Variants in ZNF480 observed in about 807,000 individuals in gnomAD.
The protein encoded by ZNF480 is zinc finger protein 480.
Under a neutral mutation model 14.4 loss-of-function variants are expected in ZNF480, and 15 were observed. The ratio of observed to expected loss-of-function variants is 1.04; its 90% CI spans 0.70 to 1.60. The LOEUF is 1.60. Ranked by LOEUF, ZNF480 falls within the 40% of genes most tolerant of loss-of-function variation. The probability of loss-of-function intolerance (pLI) is 0.00; values close to 1 mark genes in which losing one functional copy is unlikely to be tolerated. For missense variants in ZNF480, 593 were observed against 629.7 expected, an observed-to-expected ratio of 0.94 and a Z score of 0.62; for synonymous variants, 218 against 215.5, an observed-to-expected ratio of 1.01 and a Z score of -0.10.
At chr19:52,313,918 G>A in intron 2 of ZNF480, 1 of 383,670 alleles carries the variant, frequency 2.6e-6, no homozygotes, top group Non-Finnish European at 5.2e-6. Flanking sequence ...GGCGGAGGTT[G>A]CAGTGAGCCG....
chr19:52,306,239 A>G (rs1042702638), intron 2 of ZNF480, among the ~76,000 whole-genome samples: 2 of 152,226 alleles, frequency 1.3e-5, no homozygotes, highest in Non-Finnish European at 2.9e-5. Context: ...TGAATCTGCA[A>G]TCACCTTTTT....
chr19:52,303,084 G>A (rs1982773281), intron 2 of ZNF480, among the ~76,000 whole-genome samples: 1 of 152,186 alleles, frequency 6.6e-6, no homozygotes. Flanking sequence ...TACATATGAA[G>A]AATTAGAAAT....
intron 2 of ZNF480, among the ~76,000 whole-genome samples, chr19:52,304,406 A>G (rs979151478): frequency 2.0e-5 from 3 of 152,192 alleles, no homozygotes; most frequent in African/African-American, 7.2e-5. Flanking sequence ...CTTAATAACA[A>G]AGACTGGAGA....
intron 1 of ZNF480, among the ~76,000 whole-genome samples, chr19:52,298,947 A>C (rs1305912143): frequency 6.6e-6 from 1 of 152,208 alleles, no homozygotes; most frequent in African/African-American, 2.4e-5. Context: ...AGTTGATTGG[A>C]TATTATGATT....
chr19:52,319,811 G>GTTGTTTTTTTT (rs1983722269), intron 4 of ZNF480, among the ~76,000 whole-genome samples: 1 of 96,900 alleles, frequency 1.0e-5, no homozygotes, highest in Non-Finnish European at 2.2e-5. Flanking sequence ...CTGATACTGT[G>GTTGTTTTTTTT]TTTTTTTTTT....
chr19:52,297,279 T>A, intron 1 of ZNF480, 56 bp downstream of exon 1: 1 of 448,816 alleles, frequency 2.2e-6, no homozygotes, highest in Non-Finnish European at 4.5e-6. Flanking sequence ...CGCGCTTCTG[T>A]ACCCGGGATC....
intron 1 of ZNF480, among the ~76,000 whole-genome samples, chr19:52,298,838 A>T (rs1301939156): frequency 6.6e-6 from 1 of 151,924 alleles, no homozygotes; most frequent in African/African-American, 2.4e-5. Context: ...AGGGGGAAAA[A>T]AGCTAGAGAA....
intron 2 of ZNF480, among the ~76,000 whole-genome samples, 153 bp from the exon 3 acceptor site, chr19:52,314,000 T>C (rs184010634): frequency 6.6e-6 from 1 of 151,838 alleles, no homozygotes; most frequent in East Asian, 1.9e-4. Context: ...AAAAAACACA[T>C]TTACAGACAC....
chr19:52,322,406 C>G lies in ZNF480; in HGVS notation c.1156C>G (p.Leu386Val), dbSNP rs775434873. 2.5e-6 allele frequency: 4 copies of G among 1,613,952 alleles called. No homozygotes were observed. The highest frequency in any genetic ancestry group is 3.4e-6 in the Non-Finnish European group (4 of 1,179,982). Residue 386 changes from leucine to valine, a missense_variant, in exon 5 of 5, where the codon CTA (leucine) becomes GTA (valine). By Grantham distance (32) the Leu-to-Val change is conservative. Coordinates refer to ENST00000595962, the MANE Select transcript of ZNF480 (RefSeq NM_144684.4). Reference sequence around the variant, plus strand: ...AAAGGTCTTTATTCAAAATTCGCACCTAGCACAACATTGGAGAATTCATAC... The same window carrying G: ...AAAGGTCTTTATTCAAAATTCGCACGTAGCACAACATTGGAGAATTCATAC... Reference protein sequence around the residue: ...CGKVFIQNSHLAQHWRIHTGE... With the variant: ...CGKVFIQNSHVAQHWRIHTGE...
intron 2 of ZNF480, among the ~76,000 whole-genome samples, chr19:52,310,605 G>C (rs1983225144): frequency 6.6e-6 from 1 of 151,830 alleles, no homozygotes; most frequent in African/African-American, 2.4e-5. Flanking sequence ...GTTTACTGCT[G>C]ATTATCATGT....
intron 4 of ZNF480, 75 bp from the exon 5 acceptor site, chr19:52,321,503 AT>A: frequency 7.9e-7 from 1 of 1,258,660 alleles, no homozygotes; most frequent in Non-Finnish European, 1.1e-6. Context: ...GATGAGGCAG[AT>A]TCTAGTATTT....
chr19:52,302,201 ATC>A (rs1982726625), intron 2 of ZNF480: 1 of 174,284 alleles, frequency 5.7e-6, no homozygotes, highest in Non-Finnish European at 1.2e-5. Flanking sequence ...TTGTTATGGG[ATC>A]TCTCCACCAA....
intron 2 of ZNF480, among the ~76,000 whole-genome samples, chr19:52,310,732 G>A (rs977811232): frequency 5.3e-5 from 8 of 151,876 alleles, no homozygotes; most frequent in Non-Finnish European, 4.4e-5. Context: ...CGGTCATGGT[G>A]GCTCATGCCT....
In ZNF480 at chr19:52,324,755, A is replaced by G. The variant is rs147893857; in HGVS notation, c.*1897A>G. On this transcript the variant is annotated 3_prime_UTR_variant, in exon 5 of 5. Coordinates refer to ENST00000595962, the MANE Select transcript of ZNF480 (RefSeq NM_144684.4). ...TGCAGGATATTGAAACTGGACCCCT[A>G]TCCTTCACGATATACAAAAATCAAC... is the stretch of plus-strand genomic sequence containing the variant. The G allele has an allele frequency of 6.6e-6, 1 of 152,280 alleles. No homozygotes were observed. The highest frequency in any genetic ancestry group is 2.4e-5 in the African/African-American group (1 of 41,578). 9.4% of individuals were successfully genotyped at this position (152,280 alleles called of 1,614,324 possible). A position where few individuals can be genotyped will look rare whatever the true frequency, so the allele number is the denominator to read the frequency against.
In ZNF480 at chr19:52,315,963, G is replaced by T. The variant is rs1983533308; in HGVS notation, c.328+1G>T. ...GAGTGCATCAAAGGTGTGAACACAG[G>T]TAAGAGCTCAGATGGGCATGGTGGA... On this transcript the variant is annotated splice_donor_variant, in intron 4 of 4. Transcript: ENST00000595962. LOFTEE classifies it high-confidence loss of function. 1.2e-6 allele frequency: 2 copies of T among 1,603,992 alleles called. No individual in the cohort carries two copies. Among genetic ancestry groups the T allele is most frequent in the East Asian group, 2.2e-5 (1 of 44,800 alleles).
intron 2 of ZNF480, among the ~76,000 whole-genome samples, chr19:52,302,507 GGTGTTATCT>G (rs1291362144): frequency 2.0e-5 from 3 of 152,084 alleles, no homozygotes; most frequent in African/African-American, 7.2e-5. Context: ...TACGGCCTTG[GGTGTTATCT>G]GTTTTAATAA....
chr19:52,324,571 G>GGT lies in ZNF480; in HGVS notation c.*1714_*1715dup, dbSNP rs929557686. The GGT allele has an allele frequency of 1.3e-5, 2 of 152,010 alleles. No homozygotes were observed. Among genetic ancestry groups the GGT allele is most frequent in the Admixed American group, 1.3e-4 (2 of 15,250 alleles). The allele number at this position is 152,010 out of a possible 1,614,324, so 9.4% of individuals were successfully genotyped here. ...AAGGCTACAGCAACTAAAACAGCAT[G>GGT]GTACTGGTATAAAAAAAGACACATA... is the stretch of plus-strand genomic sequence containing the variant. On this transcript the variant is annotated 3_prime_UTR_variant, in exon 5 of 5. Coordinates refer to ENST00000595962, the MANE Select transcript of ZNF480 (RefSeq NM_144684.4).
chr19:52,310,206 C>A (rs1600216463), intron 2 of ZNF480, among the ~76,000 whole-genome samples: 2 of 151,948 alleles, frequency 1.3e-5, no homozygotes, highest in African/African-American at 4.8e-5. Context: ...CAGGCACCCA[C>A]CACCATGCCC....
chr19:52,317,949 A>G (rs916459335), intron 4 of ZNF480, among the ~76,000 whole-genome samples: 3 of 151,810 alleles, frequency 2.0e-5, no homozygotes, highest in Non-Finnish European at 4.4e-5. Context: ...TCAGTTTTCT[A>G]TTTGCATTTC....
Sources: allele counts gnomAD v4.1 joint callset (sites outside exome capture counted in the v4.1 genomes callset), GRCh38; gene constraint gnomAD v4.1.1; transcripts MANE v1.5; gene names NCBI Gene and HGNC (gene_info 2026-07-23, HGNC 2026-07-21).